Variants in TRAF2 observed in about 807,000 individuals in gnomAD.
TRAF2 encodes TNF receptor-associated factor 2.
In TRAF2, 6 loss-of-function variants were observed where a neutral mutation model predicts 55.6. That is an observed-to-expected ratio of 0.11 (90% CI 0.06 to 0.21). The LOEUF is 0.21. Among genes scored for constraint, TRAF2 ranks in the 10% least tolerant of loss-of-function variants. The pLI is 1.00. For missense variants in TRAF2, 561 were observed against 684.5 expected (o/e 0.82, Z 2.01); for synonymous variants, 329 against 276.3 (o/e 1.19, Z -1.89).
In TRAF2 at chr9:136,921,025, T is replaced by C. The variant is rs942313307; in HGVS notation, c.961-13T>C. On this transcript the variant is annotated splice_polypyrimidine_tract_variant and intron_variant, in intron 8 of 10. Transcript: ENST00000247668. ...CCTCCTGTAAGAGGGAAGGTGGTCT[T>C]GGCACCCGGCAGGTGCAGCAGCTGG... 5.0e-6 allele frequency: 8 copies of C among 1,613,090 alleles called. No individual in the cohort carries two copies. The highest frequency in any genetic ancestry group is 6.8e-6 in the Non-Finnish European group (8 of 1,179,738).
chr9:136,925,029 G>A (rs1487282802), intron 10 of TRAF2, among the ~76,000 whole-genome samples: 1 of 152,244 alleles, frequency 6.6e-6, no homozygotes, highest in Admixed American at 6.5e-5. Context: ...GAGCCACTGT[G>A]CCTGGCCTAT....
intron 7 of TRAF2, among the ~76,000 whole-genome samples, chr9:136,918,242 TATATA>T (rs1235834765): frequency 4.4e-5 from 2 of 45,310 alleles, no homozygotes; most frequent in African/African-American, 3.3e-4. Flanking sequence ...TATATATATA[TATATA>T]TATATATATA....
chr9:136,920,132 C>T, intron 7 of TRAF2, 102 bp from the exon 8 acceptor site: 1 of 1,412,422 alleles, frequency 7.1e-7, no homozygotes, highest in Non-Finnish European at 9.3e-7. Context: ...ATGACCCTGG[C>T]CTGTCTCCTC....
chr9:136,895,229 G>A (rs921275306), intron 1 of TRAF2, among the ~76,000 whole-genome samples: 2 of 152,188 alleles, frequency 1.3e-5, no homozygotes, highest in African/African-American at 4.8e-5. Flanking sequence ...CCACCGTGTC[G>A]GGCACACAGT....
upstream of TRAF2, chr9:136,882,567 G>C: frequency 1.5e-6 from 1 of 653,600 alleles, no homozygotes; most frequent in Non-Finnish European, 1.9e-6. Context: ...CTCAGGCAGT[G>C]AGAGGGTGCT....
chr9:136,885,632 A>G (rs534796502), upstream of TRAF2, among the ~76,000 whole-genome samples: 73 of 152,212 alleles, frequency 4.8e-4, no homozygotes, highest in African/African-American at 1.6e-3. Flanking sequence ...GCCGGGCGTG[A>G]TGGCGGGCGC....
intron 5 of TRAF2, among the ~76,000 whole-genome samples, chr9:136,909,280 A>T (rs1176297899): frequency 1.1e-5 from 1 of 88,936 alleles, no homozygotes. Flanking sequence ...CATGGCCTGC[A>T]GCCTGTGTCT....
chr9:136,913,411 C>A (rs1850168275), intron 6 of TRAF2, among the ~76,000 whole-genome samples: 1 of 148,336 alleles, frequency 6.7e-6, no homozygotes, highest in Non-Finnish European at 1.5e-5. Context: ...GATTCTCCTG[C>A]CTCAGCGTCC....
At chr9:136,900,157 A>AG (rs1185555298) in intron 3 of TRAF2, among the ~76,000 whole-genome samples, 1 of 143,492 alleles carries the variant, frequency 7.0e-6, no homozygotes, top group Non-Finnish European at 1.5e-5. Flanking sequence ...TTACAAAGTG[A>AG]GACCCCTCCT....
intron 2 of TRAF2, 61 bp from the exon 3 acceptor site, chr9:136,899,533 G>A: frequency 2.0e-6 from 3 of 1,509,168 alleles, no homozygotes; most frequent in Non-Finnish European, 2.7e-6. Flanking sequence ...TGAAGCAAAT[G>A]GTGTTTGTTT....
chr9:136,905,654 T>C (rs926382057), intron 4 of TRAF2, among the ~76,000 whole-genome samples: 5 of 152,170 alleles, frequency 3.3e-5, no homozygotes, highest in African/African-American at 1.2e-4. Flanking sequence ...TCCTTTGACT[T>C]CCATTCCCTT....
In TRAF2 at chr9:136,900,419, C is replaced by T. The variant is rs377518873; in HGVS notation, c.268-3C>T. 3.5e-5 allele frequency: 55 copies of T among 1,590,392 alleles called. No individual in the cohort carries two copies. In the African/African-American group the frequency reaches 3.7e-4, roughly 11 times the overall value. Reference sequence around the variant, plus strand: ...TTAACCCGAGGGATATTCCTCTCCCCAGGCCTTCCCAGATAATGCTGCCCG... The same window carrying T: ...TTAACCCGAGGGATATTCCTCTCCCTAGGCCTTCCCAGATAATGCTGCCCG... On this transcript the variant is annotated splice_region_variant and splice_polypyrimidine_tract_variant and intron_variant, in intron 3 of 10. Transcript: ENST00000247668.
At position 136,926,124 on chromosome 9, in the gene TRAF2, G is replaced by GC. The variant is rs1312180868; in HGVS notation, c.*225dup. Reference sequence around the variant, plus strand: ...CGGAGGGGCTTGGCAGACGGTCTTAGCCAAGGGCTGTGGTGGCATTGGCCG... The same window carrying GC: ...CGGAGGGGCTTGGCAGACGGTCTTAGCCCAAGGGCTGTGGTGGCATTGGCCG... On this transcript the variant is annotated 3_prime_UTR_variant, in exon 11 of 11. Coordinates refer to ENST00000247668, the MANE Select transcript of TRAF2 (RefSeq NM_021138.4). 5 of 735,240 alleles carry GC rather than the reference G, an allele frequency of 6.8e-6. No individual in the cohort carries two copies. In the Middle Eastern group the frequency reaches 7.9e-4, roughly 116 times the overall value. The allele number at this position is 735,240 out of a possible 1,614,324, so 45.5% of individuals were successfully genotyped here. A position where few individuals can be genotyped will look rare whatever the true frequency, so the allele number is the denominator to read the frequency against.
chr9:136,883,154 G>A (rs1443795221), upstream of TRAF2, among the ~76,000 whole-genome samples: 3 of 152,138 alleles, frequency 2.0e-5, no homozygotes, highest in Non-Finnish European at 4.4e-5. Flanking sequence ...ACAGGCGTGA[G>A]CCACCATGCC....
intron 7 of TRAF2, 68 bp from the exon 8 acceptor site, chr9:136,920,166 G>A (rs938997870): frequency 6.7e-6 from 10 of 1,502,348 alleles, no homozygotes; most frequent in Non-Finnish European, 8.9e-6. Flanking sequence ...CCCACGTCTT[G>A]GTGGCCGTCC....
At chr9:136,913,557 A>G (rs1309579156) in intron 6 of TRAF2, among the ~76,000 whole-genome samples, 2 of 151,946 alleles carry the variant, frequency 1.3e-5, no homozygotes, top group Non-Finnish European at 2.9e-5. Context: ...TCGGCCTCCC[A>G]AAGTGCTGGG....
intron 1 of TRAF2, among the ~76,000 whole-genome samples, chr9:136,891,075 A>G (rs1440702587): frequency 1.3e-5 from 2 of 151,800 alleles, no homozygotes; most frequent in South Asian, 2.1e-4. Context: ...ATGCCATCAC[A>G]CTTGGCCATT....
chr9:136,899,906 C>T (rs1849774906), intron 3 of TRAF2, among the ~76,000 whole-genome samples: 1 of 152,112 alleles, frequency 6.6e-6, no homozygotes. Flanking sequence ...TGTCTCACAC[C>T]TGTAATCCCA....
chr9:136,913,366 C>T (rs1176848045), intron 6 of TRAF2, among the ~76,000 whole-genome samples: 4 of 123,952 alleles, frequency 3.2e-5, no homozygotes, highest in South Asian at 2.8e-4. Context: ...GGCGCAATCT[C>T]GGTTCACTGC....
Sources: gnomAD v4.1 joint callset for allele counts (sites outside exome capture counted in the v4.1 genomes callset) on GRCh38, gnomAD v4.1.1 for gene constraint, MANE v1.5 for transcripts, NCBI Gene and HGNC (gene_info 2026-07-23, HGNC 2026-07-21) for gene names.